PCDH15: variants seen among roughly 807,000 people sequenced by gnomAD.
PCDH15 encodes the protein protocadherin-15.
Under a neutral mutation model 178.5 loss-of-function variants are expected in PCDH15, and 129 were observed. The ratio of observed to expected loss-of-function variants is 0.72; its 90% CI spans 0.63 to 0.84. The LOEUF is 0.84. Ranked by LOEUF, PCDH15 falls within the 40% of genes least tolerant of loss-of-function variation. PCDH15 has a pLI of 0.00. For missense variants in PCDH15, 2,230 were observed against 2,099.9 expected, an observed-to-expected ratio of 1.06 and a Z score of -1.21; for synonymous variants, 800 against 732.0, an observed-to-expected ratio of 1.09 and a Z score of -1.50.
At chr10:54,219,386 C>G (rs374718323) in intron 9 of PCDH15, among the ~76,000 whole-genome samples, 29 of 149,696 alleles carry the variant, frequency 1.9e-4, no homozygotes, top group Admixed American at 1.6e-3. Context: ...GTCAGGAGAT[C>G]GAGACCATCC....
intron 3 of PCDH15, among the ~76,000 whole-genome samples, chr10:54,460,898 A>AT (rs1206034062): frequency 1.3e-5 from 2 of 152,244 alleles, no homozygotes; most frequent in East Asian, 3.9e-4. Context: ...TGAAAAATGT[A>AT]TTTTTAGGAG....
chr10:54,278,945 G>A (rs2044000), intron 8 of PCDH15, among the ~76,000 whole-genome samples: 74,380 of 151,138 alleles, frequency 0.49, 19,286 homozygotes, highest in Middle Eastern at 0.6. Flanking sequence ...CTTACTTGTT[G>A]TTTCTAAAAA....
intron 1 of PCDH15, among the ~76,000 whole-genome samples, chr10:54,711,420 T>A (rs765885296): frequency 6.6e-6 from 1 of 151,958 alleles, no homozygotes; most frequent in Non-Finnish European, 1.5e-5. Flanking sequence ...GAGGACTTCT[T>A]GATTTATAGG....
At chr10:54,956,300 T>A (rs1838484406) in intron 2 of PCDH15, among the ~76,000 whole-genome samples, 1 of 151,512 alleles carries the variant, frequency 6.6e-6, no homozygotes, top group South Asian at 2.1e-4. Context: ...TGAAATTATA[T>A]CACATATTTT....
At chr10:54,793,137 A>C (rs1951592429) in intron 1 of PCDH15, among the ~76,000 whole-genome samples, 1 of 151,932 alleles carries the variant, frequency 6.6e-6, no homozygotes, top group African/African-American at 2.4e-5. Flanking sequence ...CTGAACCTTC[A>C]TCCCCACCTG....
intron 1 of PCDH15, among the ~76,000 whole-genome samples, chr10:54,756,452 C>T (rs1324769523): frequency 6.6e-6 from 1 of 151,984 alleles, no homozygotes; most frequent in East Asian, 1.9e-4. Flanking sequence ...GTTTGGCTCT[C>T]TGCTCAAATT....
chr10:54,514,986 T>G (rs2082065099), intron 3 of PCDH15, among the ~76,000 whole-genome samples: 1 of 152,144 alleles, frequency 6.6e-6, no homozygotes, highest in South Asian at 2.1e-4. Flanking sequence ...AATTAATCAC[T>G]TGGGGGATGG....
intron 5 of PCDH15, among the ~76,000 whole-genome samples, chr10:54,352,752 C>A (rs1204515427): frequency 6.6e-6 from 1 of 152,082 alleles, no homozygotes; most frequent in Non-Finnish European, 1.5e-5. Flanking sequence ...TATTAGGCAG[C>A]CACTTCATGT....
intron 8 of PCDH15, among the ~76,000 whole-genome samples, chr10:54,253,571 A>C (rs1320364583): frequency 6.6e-6 from 1 of 152,106 alleles, no homozygotes; most frequent in East Asian, 1.9e-4. Flanking sequence ...TTTTAGTTTC[A>C]TTTACAGAAC....
At chr10:54,273,336 G>T (rs2058154474) in intron 8 of PCDH15, among the ~76,000 whole-genome samples, 1 of 148,882 alleles carries the variant, frequency 6.7e-6, no homozygotes, top group South Asian at 2.1e-4. Flanking sequence ...TTATAATGAA[G>T]TAAAAATATA....
intron 2 of PCDH15, among the ~76,000 whole-genome samples, chr10:55,014,524 A>G (rs917047829): frequency 3.9e-5 from 6 of 152,004 alleles, no homozygotes; most frequent in African/African-American, 1.4e-4. Context: ...TTTTTGTACT[A>G]GTGAGCAGCA....
At chr10:54,297,704 C>G (rs759542595) in intron 8 of PCDH15, among the ~76,000 whole-genome samples, 2 of 152,128 alleles carry the variant, frequency 1.3e-5, no homozygotes, top group South Asian at 2.1e-4. Flanking sequence ...TTTGGCCCAA[C>G]GTGGGTACAT....
chr10:54,438,621 A>G (rs1050856179), intron 3 of PCDH15, among the ~76,000 whole-genome samples: 1 of 152,078 alleles, frequency 6.6e-6, no homozygotes, highest in Non-Finnish European at 1.5e-5. Context: ...AGCAGGTAAC[A>G]ACTTGCCATG....
chr10:54,383,921 C>T lies in PCDH15; in HGVS notation c.158-4979G>A, dbSNP rs535002500. Reference sequence around the variant, plus strand: ...GCAACCTCTGTTTCCTGGGCTCAAGCGATTCTCGTGACTCAGCCTCCATAA... The same window carrying T: ...GCAACCTCTGTTTCCTGGGCTCAAGTGATTCTCGTGACTCAGCCTCCATAA... On this transcript the variant is annotated intron_variant, in intron 3 of 37. Coordinates refer to ENST00000644397, the MANE Select transcript of PCDH15 (RefSeq NM_001384140.1). Among the ~76,000 whole-genome samples the T allele has an allele frequency of 4.0e-5, 6 of 151,738 alleles. No individual in the cohort carries two copies. The South Asian group carries it at 6.2e-4, about 16-fold the overall frequency.
intron 1 of PCDH15, among the ~76,000 whole-genome samples, chr10:55,273,270 T>A (rs899387278): frequency 6.6e-6 from 1 of 152,120 alleles, no homozygotes; most frequent in African/African-American, 2.4e-5. Flanking sequence ...AGATTTAAAT[T>A]CTGGGTAATA....
chr10:55,255,603 C>A (rs1471836458), intron 1 of PCDH15, among the ~76,000 whole-genome samples: 1 of 152,238 alleles, frequency 6.6e-6, no homozygotes, highest in East Asian at 1.9e-4. Context: ...TCCACATCCT[C>A]TCCAGCACCT....
chr10:54,146,027 T>A (rs1244608296), intron 14 of PCDH15, among the ~76,000 whole-genome samples: 1 of 152,040 alleles, frequency 6.6e-6, no homozygotes, highest in Non-Finnish European at 1.5e-5. Flanking sequence ...GAATCCCATG[T>A]GGGCAGAGAT....
rs181217456 is a variant in PCDH15, at chr10:54,629,318, T to C, written c.91+34854A>G. Among the ~76,000 whole-genome samples, 256 of 152,160 alleles carry C rather than the reference T, an allele frequency of 1.7e-3. 2 individuals carry two copies. Among genetic ancestry groups the C allele is most frequent in the African/African-American group, 5.8e-3 (243 of 41,540 alleles). ...TTAAAAAGGAAGAAAGGAAGAAATG[T>C]AATAACCCAGAATTCAAGAGAAGAT... On this transcript the variant is annotated intron_variant, in intron 2 of 37. Transcript: ENST00000644397.
chr10:54,516,186 T>C (rs1208132259), intron 3 of PCDH15, among the ~76,000 whole-genome samples: 1 of 152,100 alleles, frequency 6.6e-6, no homozygotes, highest in African/African-American at 2.4e-5. Context: ...CTTCAGATGA[T>C]CAAACTACTC....
Sources: allele counts gnomAD v4.1 joint callset (sites outside exome capture counted in the v4.1 genomes callset), GRCh38; gene constraint gnomAD v4.1.1; transcripts MANE v1.5; gene names NCBI Gene and HGNC (gene_info 2026-07-23, HGNC 2026-07-21).